The following DACT3 variants were observed in gnomAD, a reference collection of about 807,000 sequenced individuals.
DACT3 encodes dapper homolog 3.
In DACT3, 5 loss-of-function variants were observed where a neutral mutation model predicts 19.6. The observed-to-expected ratio is 0.26, with a 90% CI of 0.13 to 0.54. The LOEUF (loss-of-function observed/expected upper bound fraction) is 0.54, where lower values mean the gene tolerates loss of function less well. Among genes scored for constraint, DACT3 ranks in the 20% least tolerant of loss-of-function variants. The pLI is 0.95. For missense variants in DACT3, 908 were observed against 927.4 expected (o/e 0.98, Z 0.27); for synonymous variants, 454 against 428.1 (o/e 1.06, Z -0.75).
chr19:46,648,291 G>T lies in DACT3; in HGVS notation c.*191C>A. On this transcript the variant is annotated 3_prime_UTR_variant, in exon 4 of 4. Transcript: ENST00000391916. This position sits in a 1 kb window ranked among gnomAD's most constrained non-coding sequence, Gnocchi z 5.1. ...TAGAAGCTGAACTGGGTCAAACAGG[G>T]CTCCTCCCCATTCCTCTCGGTGGTG... 2.1e-6 allele frequency: 2 copies of T among 938,292 alleles called. No individual in the cohort carries two copies. Among genetic ancestry groups the T allele is most frequent in the Non-Finnish European group, 3.2e-6 (2 of 632,946 alleles). The allele number at this position is 938,292 out of a possible 1,614,324, so 58.1% of individuals were successfully genotyped here.
In DACT3 at chr19:46,659,187, G is replaced by A. The variant is rs540779854; in HGVS notation, c.249+1629C>T. ...CTTCTCTGCTCCTCCTCCTCCCCCC[G>A]CCTGCCACCGCCTCCTCCCTGATGC... On this transcript the variant is annotated intron_variant, in intron 1 of 3. Coordinates refer to ENST00000391916, the MANE Select transcript of DACT3 (RefSeq NM_145056.3). 2.0e-4 allele frequency: 195 copies of A among 984,264 alleles called. No homozygotes were observed. The South Asian group carries it at 4.7e-3, about 24-fold the overall frequency. The allele number at this position is 984,264 out of a possible 1,614,324, so 61.0% of individuals were successfully genotyped here. A position where few individuals can be genotyped will look rare whatever the true frequency, so the allele number is the denominator to read the frequency against.
chr19:46,657,897 C>T (rs1387386449), intron 1 of DACT3, among the ~76,000 whole-genome samples: 2 of 151,780 alleles, frequency 1.3e-5, no homozygotes, highest in African/African-American at 4.8e-5. Context: ...ACTAAAAATA[C>T]AAAAATTAGC....
At chr19:46,650,266 C>A (rs916010704) in intron 3 of DACT3, 1 of 150,962 alleles carries the variant, frequency 6.6e-6, no homozygotes, top group Non-Finnish European at 1.5e-5. Flanking sequence ...GGACTACAGG[C>A]GCCCGCCACC....
Position 46,648,180 on chromosome 19 carries a change from C to G in DACT3, c.*302G>C. 1 of 351,896 alleles carries G rather than the reference C, an allele frequency of 2.8e-6. No homozygotes were observed. Among genetic ancestry groups the G allele is most frequent in the South Asian group, 4.6e-5 (1 of 21,508 alleles). 21.8% of individuals were successfully genotyped at this position (351,896 alleles called of 1,614,324 possible). A position where few individuals can be genotyped will look rare whatever the true frequency, so the allele number is the denominator to read the frequency against. On this transcript the variant is annotated 3_prime_UTR_variant, in exon 4 of 4. Transcript: ENST00000391916. This position sits in a 1 kb window ranked among gnomAD's most constrained non-coding sequence, Gnocchi z 5.1. ...ACGGGGAAATTCAAACCGAATTACC[C>G]CTTTTGCATACATGGACACTTACTG...
At chr19:46,653,831 G>A (rs137959245) in intron 1 of DACT3, among the ~76,000 whole-genome samples, 4,377 of 152,202 alleles carry the variant, frequency 0.029, 194 homozygotes, top group African/African-American at 0.099. Context: ...CGGGATTACA[G>A]GCATGAGCCA....
At chr19:46,655,095 T>G in intron 1 of DACT3, 5 of 976,620 alleles carry the variant, frequency 5.1e-6, no homozygotes, top group Non-Finnish European at 6.1e-6. Context: ...ACTGGCATGC[T>G]CACTCCCCTC....
At position 46,648,022 on chromosome 19, in the gene DACT3, A is replaced by C. The variant is rs1175786302; in HGVS notation, c.*460T>G. ...TGCCAAGGGGATATCTTAAGGGTCC[A>C]GGGACATGGAGGGGGCACTTTGTGA... On this transcript the variant is annotated 3_prime_UTR_variant, in exon 4 of 4. Transcript: ENST00000391916. This position sits in a 1 kb window ranked among gnomAD's most constrained non-coding sequence, Gnocchi z 5.1. 5.6e-6 allele frequency: 1 copy of C among 177,730 alleles called. No homozygotes were observed. Among genetic ancestry groups the C allele is most frequent in the Non-Finnish European group, 1.2e-5 (1 of 83,104 alleles). The allele number at this position is 177,730 out of a possible 1,614,324, so 11.0% of individuals were successfully genotyped here.
chr19:46,655,757 G>A (rs1300771608), intron 1 of DACT3, among the ~76,000 whole-genome samples: 3 of 152,082 alleles, frequency 2.0e-5, no homozygotes, highest in Admixed American at 6.6e-5. Flanking sequence ...ACAGTGCCTG[G>A]CACAAAGTGG....
chr19:46,650,510 TG>T (rs1331597771), intron 3 of DACT3: 1 of 151,872 alleles, frequency 6.6e-6, no homozygotes, highest in African/African-American at 2.4e-5. Flanking sequence ...TTCCAGCTCC[TG>T]GGCTCAAGGG....
At chr19:46,649,924 C>A in intron 3 of DACT3, 52 bp from the exon 4 acceptor site, 1 of 1,316,598 alleles carries the variant, frequency 7.6e-7, no homozygotes, top group South Asian at 1.8e-5. Flanking sequence ...GAGGGGCTCT[C>A]AAAGTCCTTT....
At position 46,661,170 on chromosome 19, in the gene DACT3, C is replaced by A; in HGVS notation, c.-106G>T. The stretch of plus-strand genomic sequence containing the variant: ...CCCGCCCGCCCGCTGGCCGGGCTGT[C>A]ACCGTCTCATCTGCATAGGCGCCCG... On this transcript the variant is annotated 5_prime_UTR_variant, in exon 1 of 4. It removes the in-frame stop codon of an upstream open reading frame in the 5' UTR. Transcript: ENST00000391916. 1 of 1,229,136 alleles carries A rather than the reference C, an allele frequency of 8.1e-7. No individual in the cohort carries two copies. Among genetic ancestry groups the A allele is most frequent in the South Asian group, 2.1e-5 (1 of 47,990 alleles). The allele number at this position is 1,229,136 out of a possible 1,614,324, so 76.1% of individuals were successfully genotyped here. A position where few individuals can be genotyped will look rare whatever the true frequency, so the allele number is the denominator to read the frequency against.
intron 1 of DACT3, chr19:46,654,867 C>T (rs1188122691): frequency 1.0e-6 from 1 of 983,748 alleles, no homozygotes. Context: ...CCTCTCCCAT[C>T]CCCCTAGAAC....
intron 1 of DACT3, among the ~76,000 whole-genome samples, chr19:46,657,905 A>G (rs994363321): frequency 2.0e-5 from 3 of 151,998 alleles, no homozygotes; most frequent in Admixed American, 6.6e-5. Context: ...TACAAAAATT[A>G]GCCAGGGGTG....
chr19:46,653,940 C>T, intron 1 of DACT3: 1 of 977,838 alleles, frequency 1.0e-6, no homozygotes, highest in Non-Finnish European at 1.2e-6. Flanking sequence ...TCCTTAAGTC[C>T]TTCCTGCTGC....
At chr19:46,655,946 T>C (rs556974996) in intron 1 of DACT3, among the ~76,000 whole-genome samples, 54 of 138,330 alleles carry the variant, frequency 3.9e-4, no homozygotes, top group East Asian at 8.3e-4. Context: ...TATATATATA[T>C]ACACAAACAC....
intron 1 of DACT3, among the ~76,000 whole-genome samples, chr19:46,653,488 A>G (rs773255314): frequency 8.5e-5 from 13 of 152,074 alleles, no homozygotes; most frequent in Non-Finnish European, 1.6e-4. Flanking sequence ...CAGGACCCCC[A>G]GATCCCTTAG....
intron 1 of DACT3, chr19:46,659,379 C>A (rs974325945): frequency 5.2e-6 from 5 of 967,734 alleles, no homozygotes; most frequent in Admixed American, 6.2e-5. Context: ...GGGGAGAGAC[C>A]GAGGGCAGAG....
At position 46,652,797 on chromosome 19, in the gene DACT3, G is replaced by T. The variant is rs945342086; in HGVS notation, c.362C>A (p.Pro121His). 3.0e-5 allele frequency: 46 copies of T among 1,550,766 alleles called. No individual in the cohort carries two copies. The highest frequency in any genetic ancestry group is 3.9e-5 in the Non-Finnish European group (45 of 1,146,520). The change falls in exon 3 of 4, where the codon CCC becomes CAC. Residue 121 changes from proline to histidine, a missense_variant. Physicochemically the swap from Pro to His is moderately conservative, Grantham distance 77. Transcript: ENST00000391916. The stretch of plus-strand genomic sequence containing the variant: ...TGAATCTGGACCTCCTGTAGAGCTG[G>T]GATCTTCATAGAAGCCTAAATTTCC... ...SGRSSGFYED[P>H]SSTGGPDSPP...
Position 46,648,706 on chromosome 19 carries a change from C to G in DACT3, c.1666G>C (p.Glu556Gln), listed in dbSNP as rs1432356236. The G allele has an allele frequency of 1.2e-6, 2 of 1,608,890 alleles. No individual in the cohort carries two copies. Among genetic ancestry groups the G allele is most frequent in the Non-Finnish European group, 1.7e-6 (2 of 1,179,064 alleles). The change falls in exon 4 of 4, where the codon GAA (glutamate) becomes CAA (glutamine). Residue 556 changes from glutamate (E) to glutamine (Q), a missense_variant. Glu to Gln is a conservative substitution (Grantham distance 29, BLOSUM62 2). Transcript: ENST00000391916. The surrounding 1 kb of genome is among the most constrained non-coding windows in gnomAD (Gnocchi z 5.1). The stretch of plus-strand genomic sequence containing the variant: ...GAGGCAGAGCTGAAGGCAGGCGATT[C>G]TCCCTCGCTGGCGCTCGATTCGCTC... ...GESESSASEGESPAFSSASSD... is the reference protein window; with the variant it reads ...GESESSASEGQSPAFSSASSD...
Sources: gnomAD v4.1 joint callset for allele counts (sites outside exome capture counted in the v4.1 genomes callset) on GRCh38, gnomAD v4.1.1 for gene constraint, Gnocchi (gnomAD v3.1) non-coding constraint, MANE v1.5 for transcripts, NCBI Gene and HGNC (gene_info 2026-07-23, HGNC 2026-07-21) for gene names.